The following MYCBP2 variants were observed in gnomAD, a reference collection of about 807,000 sequenced individuals.
The protein encoded by MYCBP2 is E3 ubiquitin-protein ligase MYCBP2.
A neutral mutation model predicts 525.3 loss-of-function variants in MYCBP2; 120 were observed. That is an observed-to-expected ratio of 0.23 (90% CI 0.20 to 0.27). The LOEUF (loss-of-function observed/expected upper bound fraction) is 0.27, where lower values mean the gene tolerates loss of function less well. MYCBP2 is among the 10% of genes least tolerant of loss of function. The pLI, the probability that MYCBP2 is intolerant of heterozygous loss-of-function variation, is 1.00. For missense variants in MYCBP2, 4,149 were observed against 5,657.1 expected, an observed-to-expected ratio of 0.73 and a Z score of 8.55; for synonymous variants, 1,894 against 1,955.8, an observed-to-expected ratio of 0.97 and a Z score of 0.83.
At chr13:77,278,951 A>G in intron 3 of MYCBP2, 40 bp from the exon 4 acceptor site, 1 of 1,429,434 alleles carries the variant, frequency 7.0e-7, no homozygotes, top group Non-Finnish European at 9.3e-7. Context: ...TATGACATGT[A>G]AGCTAGTAAC....
At chr13:77,087,382 A>T in intron 62 of MYCBP2, 102 bp downstream of exon 62, 1 of 1,036,954 alleles carries the variant, frequency 9.6e-7, no homozygotes, top group Non-Finnish European at 1.4e-6. Flanking sequence ...TTTGCTTTCA[A>T]GTTAGATCTG....
At chr13:77,292,977 A>G (rs1449636670) in intron 2 of MYCBP2, among the ~76,000 whole-genome samples, 2 of 149,244 alleles carry the variant, frequency 1.3e-5, no homozygotes. Flanking sequence ...AAAAAAAAAA[A>G]GAAAGAAAAA....
At chr13:77,062,445 G>A in intron 74 of MYCBP2, 151 bp downstream of exon 74, 1 of 656,120 alleles carries the variant, frequency 1.5e-6, no homozygotes, top group South Asian at 1.9e-5. Context: ...ATAGACTTGT[G>A]AGATGAACTT....
At chr13:77,101,280 T>C (rs2047022958) in intron 55 of MYCBP2, among the ~76,000 whole-genome samples, 1 of 152,100 alleles carries the variant, frequency 6.6e-6, no homozygotes, top group Admixed American at 6.6e-5. Context: ...GGACAACTTG[T>C]GTAGGATTTC....
chr13:77,317,845 G>A (rs1226328685), intron 1 of MYCBP2, among the ~76,000 whole-genome samples: 1 of 152,120 alleles, frequency 6.6e-6, no homozygotes, highest in Non-Finnish European at 1.5e-5. Flanking sequence ...GCTGAGGTAG[G>A]AGAACTGCTT....
chr13:77,294,753 A>G (rs2077993301), intron 2 of MYCBP2, among the ~76,000 whole-genome samples: 1 of 152,220 alleles, frequency 6.6e-6, no homozygotes, highest in Non-Finnish European at 1.5e-5. Context: ...TCCCTCCTCT[A>G]TCCCAGAAGC....
intron 72 of MYCBP2, 124 bp from the exon 73 acceptor site, chr13:77,064,858 T>C: frequency 4.6e-6 from 4 of 869,728 alleles, no homozygotes; most frequent in South Asian, 4.5e-5. Flanking sequence ...CATGGAATTT[T>C]AGATTATGGG....
intron 49 of MYCBP2, among the ~76,000 whole-genome samples, chr13:77,141,819 A>G (rs2154184619): frequency 6.6e-6 from 1 of 152,034 alleles, no homozygotes; most frequent in African/African-American, 2.4e-5. Context: ...GATATATATT[A>G]AATGCACAAT....
intron 2 of MYCBP2, among the ~76,000 whole-genome samples, chr13:77,293,209 T>C (rs2077681688): frequency 6.6e-6 from 1 of 152,156 alleles, no homozygotes; most frequent in Non-Finnish European, 1.5e-5. Context: ...AGTGAAGTCA[T>C]GTGCTGGAAG....
chr13:77,143,751 G>A (rs1192579619), intron 49 of MYCBP2, among the ~76,000 whole-genome samples: 1 of 152,132 alleles, frequency 6.6e-6, no homozygotes, highest in Non-Finnish European at 1.5e-5. Flanking sequence ...AGCAAACCTA[G>A]ATGGTACAGA....
At chr13:77,056,104 G>GTGTGTGTGTGTA (rs1167709342) in intron 79 of MYCBP2, among the ~76,000 whole-genome samples, 3 of 69,636 alleles carry the variant, frequency 4.3e-5, no homozygotes, top group Admixed American at 1.3e-4. Flanking sequence ...TGTTTGGTGT[G>GTGTGTGTGTGTA]TGTGTGTGTG....
intron 26 of MYCBP2, among the ~76,000 whole-genome samples, chr13:77,199,209 C>T (rs1442230030): frequency 6.6e-6 from 1 of 152,174 alleles, no homozygotes; most frequent in African/African-American, 2.4e-5. Flanking sequence ...TGAAGCAGGG[C>T]GAGGCATTGC....
At chr13:77,086,651 A>G (rs2044334101) in intron 62 of MYCBP2, among the ~76,000 whole-genome samples, 1 of 152,118 alleles carries the variant, frequency 6.6e-6, no homozygotes, top group Non-Finnish European at 1.5e-5. Flanking sequence ...GTTGAAGTCT[A>G]GATAATTTCT....
At chr13:77,168,027 T>C (rs1266066352) in intron 40 of MYCBP2, among the ~76,000 whole-genome samples, 1 of 152,254 alleles carries the variant, frequency 6.6e-6, no homozygotes, top group African/African-American at 2.4e-5. Context: ...ACATTATGTA[T>C]AGACTACTTT....
rs1184553290 is a variant in MYCBP2, at chr13:77,098,343, G to A, written c.8811C>T (p.Thr2937=). 2 of 1,612,274 alleles carry A rather than the reference G, an allele frequency of 1.2e-6. No homozygotes were observed. Among genetic ancestry groups the A allele is most frequent in the Non-Finnish European group, 8.5e-7 (1 of 1,179,776 alleles). ...NLHSEVVEVC[T]SSTLKTNSLT... ...GACTATTTGTTTTTAAAGTACTTGA[G>A]GTGCAGACTTCGACCACCTCACTGT... The change falls in exon 56 of 83, where the codon ACC becomes ACT. Residue 2937 remains threonine, a synonymous_variant. Transcript: ENST00000544440.
At chr13:77,278,382 C>A (rs570838187) in intron 4 of MYCBP2, among the ~76,000 whole-genome samples, 1 of 152,186 alleles carries the variant, frequency 6.6e-6, no homozygotes, top group East Asian at 1.9e-4. Flanking sequence ...TGTGTGTGCA[C>A]GAACTTCAAC....
intron 18 of MYCBP2, among the ~76,000 whole-genome samples, chr13:77,229,207 A>C (rs1228389993): frequency 6.6e-6 from 1 of 152,238 alleles, no homozygotes. Context: ...ATATAGCAAC[A>C]ATGATATGTA....
intron 20 of MYCBP2, among the ~76,000 whole-genome samples, chr13:77,223,866 A>G (rs1041578743): frequency 2.0e-5 from 3 of 152,210 alleles, no homozygotes; most frequent in African/African-American, 4.8e-5. Flanking sequence ...GAAGCTGAGA[A>G]AGGGAATCTT....
rs1018562175 is a variant in MYCBP2 at position 77,079,056 on chromosome 13, T to C, written c.11419-167A>G. ...CAACTAACCACGGTTCCTATAACTT[T>C]AGTCTCATTCTCACAAACTCCATCT... On this transcript the variant is annotated intron_variant, in intron 65 of 82. Transcript: ENST00000544440. 4.6e-5 allele frequency among the ~76,000 whole-genome samples: 7 copies of C among 152,232 alleles called. No individual in the cohort carries two copies. In the East Asian group the frequency reaches 1.4e-3, roughly 29 times the overall value.
Sources: allele counts gnomAD v4.1 joint callset (sites outside exome capture counted in the v4.1 genomes callset), GRCh38; gene constraint gnomAD v4.1.1; transcripts MANE v1.5; gene names NCBI Gene and HGNC (gene_info 2026-07-23, HGNC 2026-07-21).